Variants in ZNF366 observed in about 807,000 individuals in gnomAD.
ZNF366 encodes the protein zinc finger protein 366.
Under a neutral mutation model 47.2 loss-of-function variants are expected in ZNF366, and 20 were observed. The ratio of observed to expected loss-of-function variants is 0.42; its 90% CI spans 0.30 to 0.62. The LOEUF is 0.62. ZNF366 is among the 20% of genes least tolerant of loss of function. The pLI is 0.16. For synonymous variants in ZNF366, 421 were observed against 395.1 expected (o/e 1.07, Z -0.78); for missense variants, 987 against 976.3 (o/e 1.01, Z -0.15).
chr5:72,440,391 G>A lies in ZNF366; in HGVS notation c.*3365C>T, dbSNP rs150875348. The A allele has an allele frequency of 5.3e-5, 8 of 152,160 alleles. No homozygotes were observed. Among genetic ancestry groups the A allele is most frequent in the Non-Finnish European group, 8.8e-5 (6 of 68,010 alleles). The allele number at this position is 152,160 out of a possible 1,614,324, so 9.4% of individuals were successfully genotyped here. On this transcript the variant is annotated 3_prime_UTR_variant, in exon 5 of 5. Transcript: ENST00000318442. ...GAGTAATCATAGGAAAGAATAAAAAGAATAAAAGAAAAATATGCCACTTTG... is the reference window on the plus strand; with the variant it reads ...GAGTAATCATAGGAAAGAATAAAAAAAATAAAAGAAAAATATGCCACTTTG...
chr5:72,462,547 C>CTTTCTTTCTTCCTTTCTTTCT (rs11275151), intron 1 of ZNF366, among the ~76,000 whole-genome samples: 38 of 78,916 alleles, frequency 4.8e-4, no homozygotes, highest in Non-Finnish European at 7.6e-4. Context: ...TTCTTTCTTT[C>CTTTCTTTCTTCCTTTCTTTCT]TTTTTTTTTT....
intron 1 of ZNF366, among the ~76,000 whole-genome samples, chr5:72,473,204 G>A (rs1743604880): frequency 6.6e-6 from 1 of 152,214 alleles, no homozygotes; most frequent in Admixed American, 6.5e-5. Context: ...TGGATATGAG[G>A]CTGGAGGAGG....
intron 1 of ZNF366, among the ~76,000 whole-genome samples, chr5:72,464,138 T>C (rs1213655796): frequency 6.6e-6 from 1 of 152,176 alleles, no homozygotes; most frequent in Non-Finnish European, 1.5e-5. Context: ...TGGTACATGC[T>C]AGAGAGCTTG....
chr5:72,463,418 T>G (rs1743370475), intron 1 of ZNF366, among the ~76,000 whole-genome samples: 1 of 152,234 alleles, frequency 6.6e-6, no homozygotes, highest in African/African-American at 2.4e-5. Flanking sequence ...ATATTTGCTT[T>G]GTGTTTATGT....
chr5:72,462,547 C>CTTTCTTTCT (rs11275151), intron 1 of ZNF366, among the ~76,000 whole-genome samples: 2,885 of 78,848 alleles, frequency 0.037, 118 homozygotes, highest in African/African-American at 0.093. Context: ...TTCTTTCTTT[C>CTTTCTTTCT]TTTTTTTTTT....
intron 1 of ZNF366, among the ~76,000 whole-genome samples, chr5:72,501,824 A>G (rs1744215745): frequency 6.6e-6 from 1 of 152,236 alleles, no homozygotes; most frequent in African/African-American, 2.4e-5. Context: ...ATAAAATGCA[A>G]CAACAGTCTT....
intron 2 of ZNF366, among the ~76,000 whole-genome samples, chr5:72,458,977 G>T (rs780988469): frequency 6.6e-6 from 1 of 152,110 alleles, no homozygotes; most frequent in Non-Finnish European, 1.5e-5. Context: ...TGAAGTTAGC[G>T]AATGGTCCCC....
At chr5:72,496,877 G>A (rs4703928) in intron 1 of ZNF366, among the ~76,000 whole-genome samples, 28,490 of 151,918 alleles carry the variant, frequency 0.19, 2,844 homozygotes, top group East Asian at 0.38. Context: ...TTGCATTTTC[G>A]TAATCTAACA....
At chr5:72,447,628 C>G (rs974047942) in intron 3 of ZNF366, among the ~76,000 whole-genome samples, 2 of 152,166 alleles carry the variant, frequency 1.3e-5, no homozygotes, top group Admixed American at 6.5e-5. Context: ...TTTCAGAGAT[C>G]TTTAAATTCA....
rs1007108187 is a variant in ZNF366, at chr5:72,458,006, A to G, written c.1333-1411T>C. Among the ~76,000 whole-genome samples, 652 of 142,192 alleles carry G rather than the reference A, an allele frequency of 4.6e-3. 3 individuals carry two copies. Among genetic ancestry groups the G allele is most frequent in the African/African-American group, 0.015 (583 of 38,778 alleles). 93.3% of individuals were successfully genotyped at this position (142,192 alleles called of 152,430 possible). On this transcript the variant is annotated intron_variant, in intron 2 of 4. Transcript: ENST00000318442. ...AATGGATTTTAAATTTTATTTTAGCATCTTTCTTTTTTTTTTTTTTTTTTT... is the reference window on the plus strand; with the variant it reads ...AATGGATTTTAAATTTTATTTTAGCGTCTTTCTTTTTTTTTTTTTTTTTTT...
chr5:72,443,615 C>T lies in ZNF366; in HGVS notation c.*141G>A, dbSNP rs1371152473. Reference sequence around the variant, plus strand: ...ATGACCTGAGAAGGCTTTCCATTACCTACATCCCTGCTCATTTAGTCTAAG... The same window carrying T: ...ATGACCTGAGAAGGCTTTCCATTACTTACATCCCTGCTCATTTAGTCTAAG... On this transcript the variant is annotated 3_prime_UTR_variant, in exon 5 of 5. Coordinates refer to ENST00000318442, the MANE Select transcript of ZNF366 (RefSeq NM_152625.3). 2 of 927,436 alleles carry T rather than the reference C, an allele frequency of 2.2e-6. No homozygotes were observed. Among genetic ancestry groups the T allele is most frequent in the Admixed American group, 2.8e-5 (1 of 35,118 alleles). The allele number at this position is 927,436 out of a possible 1,614,324, so 57.5% of individuals were successfully genotyped here.
At chr5:72,498,958 C>T (rs575910040) in intron 1 of ZNF366, among the ~76,000 whole-genome samples, 2 of 152,332 alleles carry the variant, frequency 1.3e-5, no homozygotes, top group South Asian at 4.1e-4. Context: ...AGATGTGATG[C>T]TGAAATTTCT....
chr5:72,487,437 CTA>C (rs1285808982), intron 1 of ZNF366, among the ~76,000 whole-genome samples: 3 of 152,294 alleles, frequency 2.0e-5, no homozygotes, highest in African/African-American at 7.2e-5. Context: ...TCCCTAACAA[CTA>C]TGTTTTCAGT....
Position 72,476,529 on chromosome 5 carries a change from C to T in ZNF366, c.-14-15019G>A, listed in dbSNP as rs543074571. ...AAAAAGCCCTATGACTTGCAGTCAT[C>T]CCTCCCTTTCCACCACCCACCCAGG... On this transcript the variant is annotated intron_variant, in intron 1 of 4. Coordinates refer to ENST00000318442, the MANE Select transcript of ZNF366 (RefSeq NM_152625.3). Among the ~76,000 whole-genome samples, 75 of 152,258 alleles carry T rather than the reference C, an allele frequency of 4.9e-4. 1 individual carries two copies. In the South Asian group the frequency reaches 0.013, roughly 27 times the overall value.
Position 72,507,393 on chromosome 5 carries a change from G to A in ZNF366, c.-157C>T, listed in dbSNP as rs1010943824. On this transcript the variant is annotated 5_prime_UTR_variant, in exon 1 of 5. Coordinates refer to ENST00000318442, the MANE Select transcript of ZNF366 (RefSeq NM_152625.3). ...AAAGAACTCGCAGGGACAGTGTTTC[G>A]AATGACTTAAGAAAGAGAACAGGAA... 18 of 985,178 alleles carry A rather than the reference G, an allele frequency of 1.8e-5. No individual in the cohort carries two copies. Among genetic ancestry groups the A allele is most frequent in the African/African-American group, 1.6e-4 (9 of 57,164 alleles). 61.0% of individuals were successfully genotyped at this position (985,178 alleles called of 1,614,324 possible).
intron 1 of ZNF366, among the ~76,000 whole-genome samples, chr5:72,503,530 T>TACACAC (rs34375286): frequency 1.3e-4 from 20 of 148,832 alleles, no homozygotes; most frequent in African/African-American, 4.4e-4. Flanking sequence ...TGAATTCTAA[T>TACACAC]ACACACACAC....
At chr5:72,501,450 T>G (rs184228173) in intron 1 of ZNF366, among the ~76,000 whole-genome samples, 1 of 152,224 alleles carries the variant, frequency 6.6e-6, no homozygotes, top group Admixed American at 6.5e-5. Flanking sequence ...TCCCAACTTT[T>G]GTTACTAGGT....
At chr5:72,484,490 A>G (rs1209019464) in intron 1 of ZNF366, among the ~76,000 whole-genome samples, 1 of 149,946 alleles carries the variant, frequency 6.7e-6, no homozygotes, top group African/African-American at 2.4e-5. Flanking sequence ...TCTCAAAAAA[A>G]AAAAAAATAA....
In ZNF366 at chr5:72,443,662, A is replaced by G. The variant is rs1742899820; in HGVS notation, c.*94T>C. ...TAAGCCATTTGTAGAGATTGGTACT[A>G]TTCGCCAGTCTCCAGAAAATGACAG... On this transcript the variant is annotated 3_prime_UTR_variant, in exon 5 of 5. Transcript: ENST00000318442. 1.5e-6 allele frequency: 2 copies of G among 1,325,320 alleles called. No homozygotes were observed. The highest frequency in any genetic ancestry group is 2.1e-6 in the Non-Finnish European group (2 of 970,964). 82.1% of individuals were successfully genotyped at this position (1,325,320 alleles called of 1,614,324 possible). A position where few individuals can be genotyped will look rare whatever the true frequency, so the allele number is the denominator to read the frequency against.
Sources: allele counts gnomAD v4.1 joint callset (sites outside exome capture counted in the v4.1 genomes callset), GRCh38; gene constraint gnomAD v4.1.1; transcripts MANE v1.5; gene names NCBI Gene and HGNC (gene_info 2026-07-23, HGNC 2026-07-21).